The following LRP1B variants were observed in gnomAD, a reference collection of about 807,000 sequenced individuals.
The protein encoded by LRP1B is low-density lipoprotein receptor-related protein 1B.
Under a neutral mutation model 556.6 loss-of-function variants are expected in LRP1B, and 217 were observed. That is an observed-to-expected ratio of 0.39 (90% CI 0.35 to 0.44). The LOEUF (loss-of-function observed/expected upper bound fraction) is 0.44, where lower values mean the gene tolerates loss of function less well. LRP1B is among the 20% of genes least tolerant of loss of function. LRP1B has a pLI of 1.00. For missense variants in LRP1B, 5,053 were observed against 5,620.8 expected (o/e 0.90, Z 3.23); for synonymous variants, 2,047 against 1,865.8 (o/e 1.10, Z -2.50).
At chr2:140,942,162 AAC>A (rs1393278574) in intron 20 of LRP1B, among the ~76,000 whole-genome samples, 19 of 152,180 alleles carry the variant, frequency 1.2e-4, no homozygotes, top group African/African-American at 4.6e-4. Flanking sequence ...AAGCCTTAAC[AAC>A]AGACTAGACC....
At chr2:140,438,642 A>T (rs1049266692) in intron 66 of LRP1B, among the ~76,000 whole-genome samples, 2 of 152,196 alleles carry the variant, frequency 1.3e-5, no homozygotes, top group Non-Finnish European at 2.9e-5. Flanking sequence ...AGATACTGTA[A>T]AAAGTTCACG....
At chr2:140,333,661 G>A (rs115019381) in intron 79 of LRP1B, among the ~76,000 whole-genome samples, 378 of 152,052 alleles carry the variant, frequency 2.5e-3, no homozygotes, top group African/African-American at 8.7e-3. Context: ...TATGTACTAC[G>A]AACAATGCAT....
In LRP1B at chr2:141,480,461, A is replaced by G; in HGVS notation, c.278T>C (p.Leu93Ser). The change falls in exon 3 of 91, where the codon TTA becomes TCA. Residue 93 changes from leucine (L) to serine (S), a missense_variant. Physicochemically the swap from Leu to Ser is moderately radical, Grantham distance 145. Transcript: ENST00000389484. ...CAAGACACCATTGCACAGCTGGGAT[A>G]AATGAACACATTTGTTGGTACCAAG... ...ACLGTNKCVH[L>S]SQLCNGVLDC... 6.2e-7 allele frequency: 1 copy of G among 1,614,008 alleles called. No homozygotes were observed. Among genetic ancestry groups the G allele is most frequent in the Non-Finnish European group, 8.5e-7 (1 of 1,179,918 alleles).
At chr2:141,491,291 A>G (rs908722025) in intron 2 of LRP1B, among the ~76,000 whole-genome samples, 7 of 152,176 alleles carry the variant, frequency 4.6e-5, no homozygotes, top group African/African-American at 1.7e-4. Context: ...CTTAAGATAT[A>G]AAACACATGT....
rs148725219 is a variant in LRP1B at position 140,669,001 on chromosome 2, A to T, written c.6799+31249T>A. On this transcript the variant is annotated intron_variant, in intron 41 of 90. Transcript: ENST00000389484. ...TGTTGTGAAGAGTGTTGAATGACAG[A>T]TGAAGAGATTTCTTTGGTTGAAGGT... Among the ~76,000 whole-genome samples the T allele has an allele frequency of 2.1e-3, 323 of 152,306 alleles. 6 individuals are homozygous for T. The highest frequency in any genetic ancestry group is 0.02 in the Admixed American group (306 of 15,296).
intron 32 of LRP1B, among the ~76,000 whole-genome samples, chr2:140,784,528 G>A (rs918159851): frequency 1.6e-4 from 24 of 150,844 alleles, no homozygotes; most frequent in Non-Finnish European, 2.8e-4. Context: ...GACACAGCCC[G>A]GAAACACCAG....
intron 9 of LRP1B, 133 bp from the exon 10 acceptor site, chr2:141,055,392 G>T: frequency 2.6e-6 from 2 of 782,340 alleles, no homozygotes; most frequent in South Asian, 2.1e-5. Flanking sequence ...CAACTATTTA[G>T]CACCATAATC....
rs187581264 is a variant in LRP1B, at chr2:140,628,405, C to T, written c.6800-26766G>A. ...AAAATAAATTAGCCGGGCATGGTGG[C>T]GGGTGCCTGTAGTCCCAGCTACTCG... On this transcript the variant is annotated intron_variant, in intron 41 of 90. Transcript: ENST00000389484. 2.8e-3 allele frequency among the ~76,000 whole-genome samples: 418 copies of T among 151,830 alleles called. 3 individuals are homozygous for T. The highest frequency in any genetic ancestry group is 9.7e-3 in the African/African-American group (402 of 41,398).
rs114321669 is a variant in LRP1B at position 141,005,924 on chromosome 2, A to G, written c.2381-467T>C. 3.1e-3 allele frequency among the ~76,000 whole-genome samples: 464 copies of G among 152,116 alleles called. 2 individuals are homozygous for G. Among genetic ancestry groups the G allele is most frequent in the Non-Finnish European group, 5.4e-3 (368 of 67,964 alleles). Reference sequence around the variant, plus strand: ...GGAAAGGCAGTGTATTGAGGACTCCAGGAATCATAGGACATCTGTGAAGAC... The same window carrying G: ...GGAAAGGCAGTGTATTGAGGACTCCGGGAATCATAGGACATCTGTGAAGAC... On this transcript the variant is annotated intron_variant, in intron 14 of 90. Coordinates refer to ENST00000389484, the MANE Select transcript of LRP1B (RefSeq NM_018557.3).
At chr2:142,045,360 G>A (rs994417285) in intron 1 of LRP1B, among the ~76,000 whole-genome samples, 1 of 151,858 alleles carries the variant, frequency 6.6e-6, no homozygotes, top group Non-Finnish European at 1.5e-5. Context: ...CATCGTCACC[G>A]TGCTTGCTTT....
intron 6 of LRP1B, 61 bp from the exon 7 acceptor site, chr2:141,188,644 A>G (rs1681368101): frequency 6.9e-7 from 1 of 1,446,650 alleles, no homozygotes; most frequent in Admixed American, 1.9e-5. Flanking sequence ...ATGATCCAAA[A>G]ATAACATAAG....
chr2:141,981,184 C>T (rs1489313721), intron 1 of LRP1B, among the ~76,000 whole-genome samples: 1 of 151,982 alleles, frequency 6.6e-6, no homozygotes, highest in Non-Finnish European at 1.5e-5. Flanking sequence ...TCTTATGGTA[C>T]TATGTATCAT....
chr2:141,363,378 A>C (rs1688907283), intron 3 of LRP1B, among the ~76,000 whole-genome samples: 3 of 152,164 alleles, frequency 2.0e-5, no homozygotes, highest in Non-Finnish European at 4.4e-5. Flanking sequence ...ACGTAACTAC[A>C]AATTTTTAAG....
intron 1 of LRP1B, among the ~76,000 whole-genome samples, chr2:142,122,582 C>T (rs937437882): frequency 1.1e-4 from 16 of 152,086 alleles, no homozygotes; most frequent in Non-Finnish European, 7.4e-5. Context: ...AATACAAGGG[C>T]GCTCAGCAAG....
chr2:141,763,117 G>T (rs921619213), intron 2 of LRP1B, among the ~76,000 whole-genome samples: 5 of 152,146 alleles, frequency 3.3e-5, no homozygotes, highest in African/African-American at 4.8e-5. Context: ...CCGATAATAG[G>T]AGAAAATTGC....
chr2:140,345,602 T>A (rs1179114503), intron 77 of LRP1B, among the ~76,000 whole-genome samples: 2 of 149,944 alleles, frequency 1.3e-5, no homozygotes, highest in Non-Finnish European at 3.0e-5. Context: ...TCTGCTATTC[T>A]TTAATGTGTA....
chr2:141,533,391 T>C (rs1204948057), intron 2 of LRP1B, among the ~76,000 whole-genome samples: 1 of 152,178 alleles, frequency 6.6e-6, no homozygotes, highest in East Asian at 1.9e-4. Context: ...TGTAGTAATA[T>C]TCCAACTGCT....
chr2:142,110,304 T>A (rs1706926911), intron 1 of LRP1B, among the ~76,000 whole-genome samples: 1 of 152,092 alleles, frequency 6.6e-6, no homozygotes, highest in South Asian at 2.1e-4. Context: ...AAAGATATAA[T>A]GAAAATCAGA....
chr2:141,096,645 A>G (rs1356365846), intron 7 of LRP1B, among the ~76,000 whole-genome samples: 76 of 99,598 alleles, frequency 7.6e-4, no homozygotes, highest in African/African-American at 2.6e-3. Context: ...AGAGAGAGAG[A>G]GAGAGAGAGA....
Sources: allele counts gnomAD v4.1 joint callset (sites outside exome capture counted in the v4.1 genomes callset), GRCh38; gene constraint gnomAD v4.1.1; transcripts MANE v1.5; gene names NCBI Gene and HGNC (gene_info 2026-07-23, HGNC 2026-07-21).